The following PTPRD variants were observed in gnomAD, a reference collection of about 807,000 sequenced individuals.
PTPRD encodes the protein protein tyrosine phosphatase receptor type D.
In PTPRD, 34 loss-of-function variants were observed where a neutral mutation model predicts 214.5. The ratio of observed to expected loss-of-function variants is 0.16; its 90% CI spans 0.12 to 0.21. The LOEUF (loss-of-function observed/expected upper bound fraction) is 0.21. Among genes scored for constraint, PTPRD ranks in the 10% least tolerant of loss-of-function variants. The pLI is 1.00. For missense variants in PTPRD, 2,545 were observed against 2,398.7 expected, an observed-to-expected ratio of 1.06 and a Z score of -1.27; for synonymous variants, 1,128 against 845.7, an observed-to-expected ratio of 1.33 and a Z score of -5.79.
At chr9:9,554,147 T>C (rs556887998) in intron 8 of PTPRD, among the ~76,000 whole-genome samples, 5 of 152,116 alleles carry the variant, frequency 3.3e-5, no homozygotes, top group South Asian at 2.1e-4. Flanking sequence ...AAAATATTAA[T>C]TGCAAACTCA....
intron 11 of PTPRD, among the ~76,000 whole-genome samples, chr9:8,941,520 C>T (rs2099033766): frequency 6.6e-6 from 1 of 152,130 alleles, no homozygotes; most frequent in Non-Finnish European, 1.5e-5. Flanking sequence ...AGTAACTTAA[C>T]CTCACTTAAT....
chr9:9,434,700 C>A (rs1292990716), intron 8 of PTPRD, among the ~76,000 whole-genome samples: 1 of 151,790 alleles, frequency 6.6e-6, no homozygotes, highest in Non-Finnish European at 1.5e-5. Context: ...CAACAGAGAA[C>A]CCAGAAATAT....
intron 4 of PTPRD, among the ~76,000 whole-genome samples, chr9:9,952,223 C>T (rs992304407): frequency 2.6e-5 from 4 of 152,078 alleles, no homozygotes; most frequent in African/African-American, 4.8e-5. Flanking sequence ...AGAGCTCAAA[C>T]GTGGCTATGT....
chr9:9,855,553 G>C (rs1484150741), intron 5 of PTPRD, among the ~76,000 whole-genome samples: 1 of 152,122 alleles, frequency 6.6e-6, no homozygotes, highest in Non-Finnish European at 1.5e-5. Context: ...TTGTGAGGGT[G>C]CCTCATTTCC....
chr9:8,775,663 C>T (rs557626391), intron 11 of PTPRD, among the ~76,000 whole-genome samples: 32 of 152,212 alleles, frequency 2.1e-4, no homozygotes, highest in Non-Finnish European at 3.7e-4. Flanking sequence ...GCTCTGTTAT[C>T]TCAATTATAA....
At chr9:10,445,111 T>C (rs1356012242) in intron 2 of PTPRD, among the ~76,000 whole-genome samples, 1 of 151,996 alleles carries the variant, frequency 6.6e-6, no homozygotes, top group African/African-American at 2.4e-5. Context: ...AAGGAATTTC[T>C]TGTGGACAAA....
intron 11 of PTPRD, among the ~76,000 whole-genome samples, chr9:8,942,098 G>A (rs1448814296): frequency 2.6e-5 from 4 of 152,122 alleles, no homozygotes; most frequent in Non-Finnish European, 4.4e-5. Context: ...GAGCCACTGC[G>A]CCTGGCCTAT....
chr9:8,411,229 T>C (rs1042291551), intron 35 of PTPRD, among the ~76,000 whole-genome samples: 1 of 152,054 alleles, frequency 6.6e-6, no homozygotes, highest in African/African-American at 2.4e-5. Context: ...AAAAAGAACA[T>C]ACAACTTTAA....
At position 9,848,189 on chromosome 9, in the gene PTPRD, T is replaced by C. The variant is rs549086862; in HGVS notation, c.-367-81338A>G. On this transcript the variant is annotated intron_variant, in intron 5 of 45. Coordinates refer to ENST00000381196, the MANE Select transcript of PTPRD (RefSeq NM_002839.4). The stretch of plus-strand genomic sequence containing the variant: ...TATACTGACCTCATGAATTAACCCA[T>C]AGATTTTACATTGTAATTTTCAGAG... 2.2e-4 allele frequency among the ~76,000 whole-genome samples: 34 copies of C among 152,226 alleles called. No individual in the cohort carries two copies. In the South Asian group the frequency reaches 5.8e-3, roughly 26 times the overall value.
At chr9:10,107,495 C>G (rs764187255) in intron 3 of PTPRD, among the ~76,000 whole-genome samples, 3 of 151,732 alleles carry the variant, frequency 2.0e-5, no homozygotes, top group Admixed American at 6.6e-5. Context: ...TGCCACTTAC[C>G]GGCTGTGTAA....
chr9:10,260,990 A>ATATATATG (rs1564851566), intron 3 of PTPRD, among the ~76,000 whole-genome samples: 18 of 139,994 alleles, frequency 1.3e-4, no homozygotes, highest in African/African-American at 3.6e-4. Flanking sequence ...ATATATATGT[A>ATATATATG]TATATATGTG....
chr9:9,328,538 TATTGAAATCTCACAGAA>T (rs1482527968), intron 9 of PTPRD, among the ~76,000 whole-genome samples: 1 of 151,770 alleles, frequency 6.6e-6, no homozygotes, highest in Non-Finnish European at 1.5e-5. Flanking sequence ...TATGTGTTTA[TATTGAAATCTCACAGAA>T]ATTATGAGCA....
chr9:9,487,975 A>AT (rs1055693830), intron 8 of PTPRD, among the ~76,000 whole-genome samples: 2 of 152,108 alleles, frequency 1.3e-5, no homozygotes, highest in African/African-American at 4.8e-5. Flanking sequence ...AATTCTGAGT[A>AT]TTTTTCCCAT....
At chr9:8,504,235 GAA>G (rs1169422968) in intron 23 of PTPRD, 24 bp downstream of exon 23, 1 of 1,613,124 alleles carries the variant, frequency 6.2e-7, no homozygotes, top group Non-Finnish European at 8.5e-7. Context: ...TAAAAAGGCA[GAA>G]AGTAAGCAAA....
At chr9:9,469,642 T>C (rs1364192906) in intron 8 of PTPRD, among the ~76,000 whole-genome samples, 1 of 152,192 alleles carries the variant, frequency 6.6e-6, no homozygotes, top group African/African-American at 2.4e-5. Context: ...CTACAATATA[T>C]ATTACGGTGG....
chr9:9,090,779 C>T (rs927287335), intron 10 of PTPRD: 2 of 658,814 alleles, frequency 3.0e-6, no homozygotes, highest in Non-Finnish European at 5.5e-6. Context: ...TCCTCTTTAG[C>T]TGAGTTGCTG....
At chr9:9,681,298 C>G (rs1405127154) in intron 7 of PTPRD, among the ~76,000 whole-genome samples, 1 of 151,646 alleles carries the variant, frequency 6.6e-6, no homozygotes, top group Non-Finnish European at 1.5e-5. Flanking sequence ...GTCTCATCAA[C>G]TCTGTGATAA....
At chr9:10,092,313 A>G (rs1186827999) in intron 3 of PTPRD, among the ~76,000 whole-genome samples, 1 of 151,446 alleles carries the variant, frequency 6.6e-6, no homozygotes, top group African/African-American at 2.4e-5. Context: ...GGTATCATAC[A>G]TATAAGCACT....
chr9:8,713,487 G>T, intron 12 of PTPRD: 1 of 1,133,274 alleles, frequency 8.8e-7, no homozygotes, highest in South Asian at 1.2e-5. Flanking sequence ...AGTCTTCAGG[G>T]GAGACTGTCT....
Sources: gnomAD v4.1 joint callset for allele counts (sites outside exome capture counted in the v4.1 genomes callset) on GRCh38, gnomAD v4.1.1 for gene constraint, MANE v1.5 for transcripts, NCBI Gene and HGNC (gene_info 2026-07-23, HGNC 2026-07-21) for gene names.